The following RBMS3 variants were observed in gnomAD, a reference collection of about 807,000 sequenced individuals.
RBMS3 encodes RNA binding motif single stranded interacting protein 3.
RBMS3 carries 27 observed loss-of-function variants against 66.8 expected under a neutral mutation model. That is an observed-to-expected ratio of 0.40 (90% CI 0.30 to 0.56). The LOEUF (loss-of-function observed/expected upper bound fraction) is 0.56. RBMS3 is among the 20% of genes least tolerant of loss of function. The probability of loss-of-function intolerance (pLI) is 0.40; values close to 1 mark genes in which losing one functional copy is unlikely to be tolerated. For missense variants in RBMS3, 513 were observed against 549.5 expected (o/e 0.93, Z 0.66); for synonymous variants, 188 against 183.0 (o/e 1.03, Z -0.22).
At chr3:29,325,663 C>T (rs558157780) in intron 1 of RBMS3, among the ~76,000 whole-genome samples, 20,325 of 124,984 alleles carry the variant, frequency 0.16, 1,447 homozygotes, top group Middle Eastern at 0.21. Flanking sequence ...CACACACACA[C>T]ATACACACAC....
chr3:29,874,788 C>G lies in RBMS3; in HGVS notation c.744+5824C>G, dbSNP rs3773113. Among the ~76,000 whole-genome samples, 1,174 of 152,150 alleles carry G rather than the reference C, an allele frequency of 7.7e-3. 10 individuals are homozygous for G. Among genetic ancestry groups the G allele is most frequent in the African/African-American group, 0.027 (1,110 of 41,508 alleles). ...AATTCTCAATAATTCAGCATGAAAA[C>G]TTTCTTATTTAGTTAAGTGTTCTAT... On this transcript the variant is annotated intron_variant, in intron 7 of 14. Coordinates refer to ENST00000383767, the MANE Select transcript of RBMS3 (RefSeq NM_001003793.3).
intron 1 of RBMS3, among the ~76,000 whole-genome samples, chr3:29,432,794 G>A (rs1216700515): frequency 2.6e-5 from 4 of 152,214 alleles, no homozygotes; most frequent in Admixed American, 6.5e-5. Flanking sequence ...GGATGGATTA[G>A]AGCCAGCCGA....
intron 4 of RBMS3, among the ~76,000 whole-genome samples, chr3:29,649,336 T>A (rs570639939): frequency 2.8e-4 from 42 of 152,288 alleles, no homozygotes; most frequent in African/African-American, 1.0e-3. Flanking sequence ...TTTGATGGAG[T>A]TGTACAAATG....
At chr3:29,865,102 G>GGAAGGAAGGAAGGA (rs2059324721) in intron 6 of RBMS3, among the ~76,000 whole-genome samples, 2 of 93,982 alleles carry the variant, frequency 2.1e-5, no homozygotes, top group African/African-American at 1.4e-4. Context: ...GGGAGGGAGG[G>GGAAGGAAGGAAGGA]AGGGAGGAAG....
intron 1 of RBMS3, among the ~76,000 whole-genome samples, chr3:29,306,625 A>G (rs2034031325): frequency 6.6e-6 from 1 of 151,910 alleles, no homozygotes; most frequent in Non-Finnish European, 1.5e-5. Context: ...TTCCTTCTAC[A>G]TTTCTGCCAG....
At chr3:29,745,953 A>T (rs187804886) in intron 5 of RBMS3, among the ~76,000 whole-genome samples, 1 of 151,906 alleles carries the variant, frequency 6.6e-6, no homozygotes, top group East Asian at 1.9e-4. Flanking sequence ...ACTAAATATC[A>T]ATCAGTATAA....
chr3:29,324,828 T>A (rs191961682), intron 1 of RBMS3, among the ~76,000 whole-genome samples: 1 of 152,216 alleles, frequency 6.6e-6, no homozygotes, highest in East Asian at 1.9e-4. Flanking sequence ...CCTATCTGCC[T>A]TTTCTTCTCT....
At chr3:29,827,506 T>C (rs893354260) in intron 6 of RBMS3, among the ~76,000 whole-genome samples, 13 of 152,182 alleles carry the variant, frequency 8.5e-5, no homozygotes, top group African/African-American at 3.1e-4. Flanking sequence ...TTTTATCTAA[T>C]CTTTCTCCTT....
At chr3:29,836,914 C>CA (rs1448204522) in intron 6 of RBMS3, among the ~76,000 whole-genome samples, 2 of 151,960 alleles carry the variant, frequency 1.3e-5, no homozygotes, top group African/African-American at 2.4e-5. Flanking sequence ...AAGTACAGGA[C>CA]AAAAAACTAG....
intron 1 of RBMS3, among the ~76,000 whole-genome samples, chr3:29,291,514 A>C (rs893024419): frequency 4.0e-5 from 6 of 151,842 alleles, no homozygotes; most frequent in Non-Finnish European, 8.8e-5. Flanking sequence ...AATTGGTGAA[A>C]TTGTTTACTA....
chr3:29,837,646 CATATATATATAATGAACATATATATAT>C (rs2058548384), intron 6 of RBMS3, among the ~76,000 whole-genome samples: 3 of 105,076 alleles, frequency 2.9e-5, no homozygotes, highest in Non-Finnish European at 6.0e-5. Flanking sequence ...ATATAATGAA[CATATATATATAATGAACATATATATAT>C]ATATATATAT....
At chr3:29,361,119 C>G (rs1343767107) in intron 1 of RBMS3, among the ~76,000 whole-genome samples, 2 of 151,918 alleles carry the variant, frequency 1.3e-5, no homozygotes, top group Non-Finnish European at 2.9e-5. Flanking sequence ...TTGCTCGTTA[C>G]TTGAAGCAGT....
chr3:29,392,177 G>C (rs572474809), intron 1 of RBMS3, among the ~76,000 whole-genome samples: 1 of 152,186 alleles, frequency 6.6e-6, no homozygotes, highest in African/African-American at 2.4e-5. Flanking sequence ...TTGAACCCGG[G>C]AGGTGGAGGC....
At chr3:29,639,334 T>C (rs548704888) in intron 4 of RBMS3, among the ~76,000 whole-genome samples, 2 of 151,820 alleles carry the variant, frequency 1.3e-5, no homozygotes, top group Non-Finnish European at 2.9e-5. Flanking sequence ...GATTTTTAGG[T>C]CCTATCCCAG....
intron 4 of RBMS3, among the ~76,000 whole-genome samples, chr3:29,683,208 G>C (rs567275957): frequency 2.6e-5 from 4 of 152,266 alleles, no homozygotes; most frequent in Admixed American, 2.6e-4. Context: ...TCACTGCAGT[G>C]TTCCCCAGGT....
intron 12 of RBMS3, among the ~76,000 whole-genome samples, chr3:29,967,520 C>T (rs1423542788): frequency 1.3e-5 from 2 of 152,128 alleles, no homozygotes; most frequent in Non-Finnish European, 2.9e-5. Flanking sequence ...TGGTCTTGAT[C>T]TCCTGACCTC....
chr3:29,488,080 G>A lies in RBMS3; in HGVS notation c.249-361G>A, dbSNP rs1348834704. ...ACTCTGCAGTGTTACAACACAAGGT[G>A]AGAGTCAGAGCTGGATGCAAACCCT... On this transcript the variant is annotated intron_variant, in intron 2 of 14. Coordinates refer to ENST00000383767, the MANE Select transcript of RBMS3 (RefSeq NM_001003793.3). 2.0e-5 allele frequency among the ~76,000 whole-genome samples: 3 copies of A among 152,176 alleles called. No homozygotes were observed. The East Asian group carries it at 5.8e-4, about 29-fold the overall frequency.
At chr3:29,562,073 A>G (rs1029824861) in intron 3 of RBMS3, among the ~76,000 whole-genome samples, 2 of 152,172 alleles carry the variant, frequency 1.3e-5, no homozygotes, top group African/African-American at 4.8e-5. Context: ...AACATGATTT[A>G]GTTATTCAAC....
chr3:29,571,464 A>G lies in RBMS3; in HGVS notation c.308-15650A>G, dbSNP rs192885607. Among the ~76,000 whole-genome samples, 553 of 152,296 alleles carry G rather than the reference A, an allele frequency of 3.6e-3. 1 individual carries two copies. Among genetic ancestry groups the G allele is most frequent in the Non-Finnish European group, 5.8e-3 (393 of 68,012 alleles). ...ATGTTTTTTGTATATGGTGAGAGACAGGGGTCAAGTCTCATTCTTCTGTAT... is the reference window on the plus strand; with the variant it reads ...ATGTTTTTTGTATATGGTGAGAGACGGGGGTCAAGTCTCATTCTTCTGTAT... On this transcript the variant is annotated intron_variant, in intron 3 of 14. Coordinates refer to ENST00000383767, the MANE Select transcript of RBMS3 (RefSeq NM_001003793.3).
Sources: gnomAD v4.1 joint callset for allele counts (sites outside exome capture counted in the v4.1 genomes callset) on GRCh38, gnomAD v4.1.1 for gene constraint, MANE v1.5 for transcripts, NCBI Gene and HGNC (gene_info 2026-07-23, HGNC 2026-07-21) for gene names.